Variants in ELAVL2 observed in about 807,000 individuals in gnomAD.
ELAVL2 encodes the protein ELAV like RNA binding protein 2, also known as ELAV-like protein 2.
Under a neutral mutation model 34.6 loss-of-function variants are expected in ELAVL2, and 4 were observed. That is an observed-to-expected ratio of 0.12 (90% CI 0.06 to 0.26). ELAVL2 has a LOEUF of 0.26. ELAVL2 is among the 10% of genes least tolerant of loss of function. The pLI is 1.00. For synonymous variants in ELAVL2, 193 were observed against 154.8 expected (o/e 1.25, Z -1.83); for missense variants, 432 against 442.8 (o/e 0.98, Z 0.22).
At chr9:23,717,593 TTTC>T (rs1270090451) in intron 3 of ELAVL2, among the ~76,000 whole-genome samples, 1 of 152,290 alleles carries the variant, frequency 6.6e-6, no homozygotes, top group Non-Finnish European at 1.5e-5. Context: ...GTGTAATACA[TTTC>T]TTCTTTTTCC....
the ELAVL2 span, among the ~76,000 whole-genome samples, chr9:23,834,901 T>G: frequency 1.3e-5 from 2 of 152,056 alleles, no homozygotes; most frequent in Admixed American, 1.3e-4. Context: ...AAAAACACCT[T>G]AGATTTTTAT....
chr9:23,731,868 T>C (rs1404201851), intron 2 of ELAVL2, among the ~76,000 whole-genome samples: 1 of 152,136 alleles, frequency 6.6e-6, no homozygotes, highest in East Asian at 1.9e-4. Context: ...TAAGTGTTTG[T>C]TGTTGTTGCC....
chr9:23,764,425 C>A (rs183858572), intron 1 of ELAVL2, among the ~76,000 whole-genome samples: 31 of 152,222 alleles, frequency 2.0e-4, no homozygotes, highest in Admixed American at 6.5e-4. Context: ...AGGCTGTGTG[C>A]GCTGAAAATT....
At chr9:23,817,563 T>C (rs2063888470) in intron 1 of ELAVL2, among the ~76,000 whole-genome samples, 1 of 152,160 alleles carries the variant, frequency 6.6e-6, no homozygotes, top group African/African-American at 2.4e-5. Flanking sequence ...AACTTAACAT[T>C]GATATTAAAG....
chr9:23,805,579 T>A (rs2062106047), intron 1 of ELAVL2, among the ~76,000 whole-genome samples: 1 of 152,226 alleles, frequency 6.6e-6, no homozygotes, highest in African/African-American at 2.4e-5. Context: ...GGCTTGTGTG[T>A]GTACCCATGC....
At chr9:23,811,392 C>G (rs2062980036) in intron 1 of ELAVL2, among the ~76,000 whole-genome samples, 1 of 151,876 alleles carries the variant, frequency 6.6e-6, no homozygotes, top group Non-Finnish European at 1.5e-5. Flanking sequence ...AAGCAGTGGC[C>G]AGGCCTCAGA....
chr9:23,730,086 ACT>A (rs1336894766), intron 3 of ELAVL2, among the ~76,000 whole-genome samples: 1 of 152,046 alleles, frequency 6.6e-6, no homozygotes. Flanking sequence ...CCACATCTAG[ACT>A]CTGTGAGAAA....
chr9:23,787,619 T>C (rs997658065), intron 1 of ELAVL2, among the ~76,000 whole-genome samples: 1 of 151,646 alleles, frequency 6.6e-6, no homozygotes, highest in East Asian at 1.9e-4. Context: ...CCTGCCAATG[T>C]GGGTCTAACA....
intron 1 of ELAVL2, among the ~76,000 whole-genome samples, chr9:23,815,178 T>C (rs1298168005): frequency 2.0e-5 from 3 of 152,204 alleles, no homozygotes; most frequent in Non-Finnish European, 4.4e-5. Context: ...TATAAATGGT[T>C]AAATTTAAAA....
At chr9:23,699,109 T>C (rs1192610053) in intron 5 of ELAVL2, among the ~76,000 whole-genome samples, 2 of 152,210 alleles carry the variant, frequency 1.3e-5, no homozygotes, top group African/African-American at 2.4e-5. Context: ...TGATAACATA[T>C]GGTACTAAAA....
At chr9:23,727,383 G>A (rs755029930) in intron 3 of ELAVL2, among the ~76,000 whole-genome samples, 1 of 152,058 alleles carries the variant, frequency 6.6e-6, no homozygotes, top group Non-Finnish European at 1.5e-5. Flanking sequence ...GAACCACGTT[G>A]AACTCTGAAT....
intron 5 of ELAVL2, among the ~76,000 whole-genome samples, chr9:23,694,275 A>C (rs942122929): frequency 6.6e-6 from 1 of 151,880 alleles, no homozygotes; most frequent in African/African-American, 2.4e-5. Context: ...TAAAATGTTT[A>C]TAGAAAGTAA....
chr9:23,708,786 C>T (rs966463118), intron 3 of ELAVL2, among the ~76,000 whole-genome samples: 5 of 152,072 alleles, frequency 3.3e-5, no homozygotes, highest in Admixed American at 6.6e-5. Context: ...GGATTACAGG[C>T]ATGTACCACC....
At chr9:23,713,702 G>T (rs1033298703) in intron 3 of ELAVL2, among the ~76,000 whole-genome samples, 1 of 152,132 alleles carries the variant, frequency 6.6e-6, no homozygotes, top group Non-Finnish European at 1.5e-5. Context: ...CTGCAACTGA[G>T]GCAAGCACGT....
chr9:23,710,089 A>G (rs2040526117), intron 3 of ELAVL2, among the ~76,000 whole-genome samples: 1 of 152,186 alleles, frequency 6.6e-6, no homozygotes. Context: ...TTCTTCACAA[A>G]CAAGACTAGA....
intron 1 of ELAVL2, among the ~76,000 whole-genome samples, chr9:23,789,798 T>C (rs1270312968): frequency 6.6e-6 from 1 of 152,006 alleles, no homozygotes; most frequent in Non-Finnish European, 1.5e-5. Context: ...AACAGTATGG[T>C]TGCAAAACAG....
Position 23,796,305 on chromosome 9 carries a change from C to T in ELAVL2, c.-16+29501G>A, listed in dbSNP as rs768980938. On this transcript the variant is annotated intron_variant, in intron 1 of 6. Coordinates refer to ENST00000397312, the MANE Select transcript of ELAVL2 (RefSeq NM_004432.5). Reference sequence around the variant, plus strand: ...TATAAAAGCTCTTACTTCTAATAACCTTTGGGTAACTTGCAATCTCCATTT... The same window carrying T: ...TATAAAAGCTCTTACTTCTAATAACTTTTGGGTAACTTGCAATCTCCATTT... Among the ~76,000 whole-genome samples, 330 of 152,262 alleles carry T rather than the reference C, an allele frequency of 2.2e-3. 1 individual carries two copies. Among genetic ancestry groups the T allele is most frequent in the Non-Finnish European group, 4.1e-3 (278 of 68,028 alleles).
At position 23,701,558 on chromosome 9, in the gene ELAVL2, C is replaced by T; in HGVS notation, c.534G>A (p.Glu178=). The change falls in exon 5 of 7, where the codon GAG becomes GAA. Residue 178 remains glutamate, a synonymous_variant. Coordinates refer to ENST00000397312, the MANE Select transcript of ELAVL2 (RefSeq NM_004432.5). ...TTAGGCCTTTGATAGCTTCTTCTGC[C>T]TCAATTCGCTTGTCAAATCGAATAA... is the stretch of plus-strand genomic sequence containing the variant. ...VGFIRFDKRI[E]AEEAIKGLNG... is the part of the protein sequence containing the mutation. The T allele has an allele frequency of 6.2e-7, 1 of 1,614,048 alleles. No individual in the cohort carries two copies.
At chr9:23,779,977 C>T (rs2058817741) in intron 1 of ELAVL2, among the ~76,000 whole-genome samples, 1 of 66,348 alleles carries the variant, frequency 1.5e-5, no homozygotes, top group African/African-American at 6.1e-5. Context: ...GATAGTGTTC[C>T]TTAAAAAAAA....
Sources: gnomAD v4.1 joint callset for allele counts (sites outside exome capture counted in the v4.1 genomes callset) on GRCh38, gnomAD v4.1.1 for gene constraint, MANE v1.5 for transcripts, NCBI Gene and HGNC (gene_info 2026-07-23, HGNC 2026-07-21) for gene names.